DNAH6: variants seen among roughly 807,000 people sequenced by gnomAD.
The protein encoded by DNAH6 is axonemal beta dynein heavy chain 6.
In DNAH6, 340 loss-of-function variants were observed where a neutral mutation model predicts 491.4. The ratio of observed to expected loss-of-function variants is 0.69; its 90% CI spans 0.63 to 0.76. The LOEUF is 0.76. DNAH6 is among the 30% of genes least tolerant of loss of function. The pLI, the probability that DNAH6 is intolerant of heterozygous loss-of-function variation, is 0.00. For synonymous variants in DNAH6, 1,603 were observed against 1,686.1 expected (o/e 0.95, Z 1.21); for missense variants, 4,443 against 4,972.2 (o/e 0.89, Z 3.20).
At chr2:84,460,147 A>G in the DNAH6 span, 1 of 152,260 alleles carries the variant, frequency 6.6e-6, no homozygotes, top group Non-Finnish European at 1.5e-5. Flanking sequence ...GAGATTCCTC[A>G]TCAGAATTGT....
At chr2:84,689,560 G>T (rs1387518734) in intron 45 of DNAH6, among the ~76,000 whole-genome samples, 1 of 152,148 alleles carries the variant, frequency 6.6e-6, no homozygotes, top group Non-Finnish European at 1.5e-5. Flanking sequence ...AGCAAGTGCT[G>T]CAAGACAGAG....
intron 9 of DNAH6, 104 bp downstream of exon 9, chr2:84,550,161 G>A: frequency 2.1e-6 from 2 of 940,328 alleles, no homozygotes; most frequent in Non-Finnish European, 1.5e-6. Flanking sequence ...AAAAAAAAAA[G>A]AGAAATGCAT....
At chr2:84,501,810 G>C in the DNAH6 span, among the ~76,000 whole-genome samples, 2 of 150,230 alleles carry the variant, frequency 1.3e-5, no homozygotes, top group Non-Finnish European at 3.0e-5. Context: ...CAATTTATTG[G>C]CATGTAATTG....
At chr2:84,615,351 T>C (rs1309390112) in intron 22 of DNAH6, among the ~76,000 whole-genome samples, 1 of 152,142 alleles carries the variant, frequency 6.6e-6, no homozygotes, top group Non-Finnish European at 1.5e-5. Context: ...TATAAGTATT[T>C]TGCTTTATTT....
intron 10 of DNAH6, among the ~76,000 whole-genome samples, chr2:84,556,821 T>C (rs952322090): frequency 1.3e-5 from 2 of 152,244 alleles, no homozygotes; most frequent in Non-Finnish European, 1.5e-5. Flanking sequence ...TCACTCTCTT[T>C]TATTCGAACT....
At chr2:84,740,675 G>A (rs1411227361) in intron 62 of DNAH6, among the ~76,000 whole-genome samples, 1 of 152,124 alleles carries the variant, frequency 6.6e-6, no homozygotes, top group East Asian at 1.9e-4. Flanking sequence ...AGAGCTGGTG[G>A]GGCACTGTTC....
chr2:84,540,486 G>T (rs933497010), intron 4 of DNAH6, among the ~76,000 whole-genome samples: 7 of 152,152 alleles, frequency 4.6e-5, no homozygotes, highest in African/African-American at 1.7e-4. Flanking sequence ...AGATTGAACT[G>T]CTATTTGAAA....
At chr2:84,669,142 C>T (rs1467052941) in intron 37 of DNAH6, 147 bp from the exon 38 acceptor site, 1 of 637,278 alleles carries the variant, frequency 1.6e-6, no homozygotes, top group Non-Finnish European at 2.8e-6. Flanking sequence ...TCTCAGATAC[C>T]TAAATAACTA....
chr2:84,762,651 C>T, intron 63 of DNAH6, 104 bp from the exon 64 acceptor site: 1 of 774,500 alleles, frequency 1.3e-6, no homozygotes. Flanking sequence ...AGAATAAGTA[C>T]AAAAACACAG....
chr2:84,486,308 A>G, the DNAH6 span, among the ~76,000 whole-genome samples: 10 of 152,228 alleles, frequency 6.6e-5, no homozygotes, highest in South Asian at 1.0e-3. Flanking sequence ...CCAAAACCTT[A>G]AAAGCCACCA....
chr2:84,661,803 T>G (rs1691534409), intron 37 of DNAH6, among the ~76,000 whole-genome samples: 1 of 152,132 alleles, frequency 6.6e-6, no homozygotes. Context: ...ATTCTAAAAT[T>G]TATATAAAAA....
chr2:84,669,951 G>A (rs1357463101), intron 38 of DNAH6, among the ~76,000 whole-genome samples: 2 of 152,146 alleles, frequency 1.3e-5, no homozygotes, highest in African/African-American at 2.4e-5. Context: ...AATGGAGGGA[G>A]GAATATTGAT....
intron 16 of DNAH6, among the ~76,000 whole-genome samples, chr2:84,591,551 T>C (rs182316474): frequency 7.2e-5 from 11 of 152,288 alleles, no homozygotes; most frequent in African/African-American, 2.4e-4. Context: ...ACTTATACAT[T>C]CAATGCAATC....
At chr2:84,747,767 C>T (rs1283760012) in intron 63 of DNAH6, among the ~76,000 whole-genome samples, 1 of 152,190 alleles carries the variant, frequency 6.6e-6, no homozygotes, top group Non-Finnish European at 1.5e-5. Flanking sequence ...CCTGGACACC[C>T]AGGCTTTCCA....
chr2:84,669,260 T>G, intron 37 of DNAH6, 29 bp from the exon 38 acceptor site: 1 of 1,499,014 alleles, frequency 6.7e-7, no homozygotes, highest in Non-Finnish European at 9.1e-7. Context: ...TATTCCCTAT[T>G]GAAAGTGGTG....
At chr2:84,579,917 C>G (rs920864846) in intron 14 of DNAH6, among the ~76,000 whole-genome samples, 30 of 152,128 alleles carry the variant, frequency 2.0e-4, no homozygotes, top group Non-Finnish European at 4.1e-4. Context: ...TTAATTCTCA[C>G]AAAAGCTTGA....
chr2:84,633,679 T>C (rs969442286), intron 29 of DNAH6, among the ~76,000 whole-genome samples: 4 of 151,992 alleles, frequency 2.6e-5, no homozygotes, highest in Non-Finnish European at 5.9e-5. Flanking sequence ...TGTTTCCCTA[T>C]GCTTTCCATA....
intron 10 of DNAH6, among the ~76,000 whole-genome samples, chr2:84,554,670 A>G (rs1205173919): frequency 6.6e-6 from 1 of 152,206 alleles, no homozygotes. Context: ...AATTTATGGG[A>G]TAGGCAATTT....
intron 71 of DNAH6, among the ~76,000 whole-genome samples, chr2:84,806,711 C>A (rs1192367): frequency 6.7e-6 from 1 of 149,400 alleles, no homozygotes; most frequent in African/African-American, 2.5e-5. Context: ...ATTTAGATGT[C>A]TTCATTATTC....
Sources: gnomAD v4.1 joint callset for allele counts (sites outside exome capture counted in the v4.1 genomes callset) on GRCh38, gnomAD v4.1.1 for gene constraint, MANE v1.5 for transcripts, NCBI Gene and HGNC (gene_info 2026-07-23, HGNC 2026-07-21) for gene names.